The following MC2R variants were observed in gnomAD, a reference collection of about 807,000 sequenced individuals.
MC2R encodes melanocortin 2 receptor, also known as adrenocorticotropic hormone receptor.
In MC2R, 9 loss-of-function variants were observed where a neutral mutation model predicts 9.8. The observed-to-expected ratio is 0.92, with a 90% CI of 0.55 to 1.60. The LOEUF (loss-of-function observed/expected upper bound fraction) is 1.60. Ranked by LOEUF, MC2R falls within the 40% of genes most tolerant of loss-of-function variation. The pLI is 0.00. For missense variants in MC2R, 370 were observed against 389.0 expected (o/e 0.95, Z 0.41); for synonymous variants, 185 against 154.7 (o/e 1.20, Z -1.45).
intron 1 of MC2R, among the ~76,000 whole-genome samples, chr18:13,896,700 C>T (rs894269785): frequency 6.6e-6 from 1 of 152,182 alleles, no homozygotes; most frequent in African/African-American, 2.4e-5. Context: ...AAGGAACACA[C>T]TCTCTGCCTT....
chr18:13,910,337 G>T (rs2045437401), intron 1 of MC2R, among the ~76,000 whole-genome samples: 1 of 152,136 alleles, frequency 6.6e-6, no homozygotes, highest in Admixed American at 6.5e-5. Flanking sequence ...GTAAGTCTGA[G>T]AGTTACTCAG....
intron 1 of MC2R, among the ~76,000 whole-genome samples, chr18:13,913,827 G>C (rs999776736): frequency 1.3e-5 from 2 of 152,132 alleles, no homozygotes; most frequent in Non-Finnish European, 2.9e-5. Flanking sequence ...TTTCTACAAC[G>C]GCATTATTCA....
intron 1 of MC2R, among the ~76,000 whole-genome samples, chr18:13,904,881 C>T (rs1462381674): frequency 1.3e-5 from 2 of 152,010 alleles, no homozygotes; most frequent in Non-Finnish European, 2.9e-5. Flanking sequence ...TTCCTTATAC[C>T]TTATACAAGA....
At chr18:13,907,171 G>T (rs79973859) in intron 1 of MC2R, among the ~76,000 whole-genome samples, 1 of 152,154 alleles carries the variant, frequency 6.6e-6, no homozygotes, top group African/African-American at 2.4e-5. Flanking sequence ...CATAAAAACA[G>T]TTACACAGAT....
rs769710124 is a variant in MC2R at position 13,885,252 on chromosome 18, C to G, written c.267G>C (p.Met89Ile). The G allele has an allele frequency of 6.2e-7, 1 of 1,614,112 alleles. No homozygotes were observed. The highest frequency in any genetic ancestry group is 8.5e-7 in the Non-Finnish European group (1 of 1,180,020). Reference protein sequence around the residue: ...LENILIILRNMGYLKPRGSFE... With the variant: ...LENILIILRNIGYLKPRGSFE... The stretch of plus-strand genomic sequence containing the variant: ...AACTGCCACGTGGCTTGAGATAGCC[C>G]ATGTTTCTCAATATGATCAGGATAT... The change falls in exon 2 of 2, where the codon ATG becomes ATC. Residue 89 changes from methionine to isoleucine, a missense_variant. Met to Ile is a conservative substitution (Grantham distance 10). Coordinates refer to ENST00000327606, the MANE Select transcript of MC2R (RefSeq NM_000529.2).
intron 1 of MC2R, among the ~76,000 whole-genome samples, chr18:13,891,809 C>T (rs2045317249): frequency 6.6e-6 from 1 of 152,142 alleles, no homozygotes. Flanking sequence ...TCTGACCCAT[C>T]CCACCTCAAC....
intron 1 of MC2R, among the ~76,000 whole-genome samples, chr18:13,889,323 G>A (rs1323977591): frequency 1.3e-5 from 2 of 152,232 alleles, no homozygotes; most frequent in Non-Finnish European, 2.9e-5. Context: ...CTCCCCAGGA[G>A]GCAGAGATGG....
chr18:13,894,323 A>G (rs551744564), intron 1 of MC2R, among the ~76,000 whole-genome samples: 1 of 152,324 alleles, frequency 6.6e-6, no homozygotes, highest in East Asian at 1.9e-4. Flanking sequence ...TCTCATATCC[A>G]ATTTATCCCA....
chr18:13,905,737 C>T (rs1358598010), intron 1 of MC2R, among the ~76,000 whole-genome samples: 1 of 152,146 alleles, frequency 6.6e-6, no homozygotes, highest in East Asian at 1.9e-4. Flanking sequence ...CCAGCAATCC[C>T]ATTACTGGGT....
chr18:13,884,753 ACATGTAG>A lies in MC2R; in HGVS notation c.759_765del (p.Tyr254LeufsTer5), dbSNP rs1475068093. On this transcript the variant is annotated frameshift_variant, in exon 2 of 2. Transcript: ENST00000327606. LOFTEE classifies it high-confidence loss of function. ...AACATGCCGTTCACCTGGAAGAGAG[ACATGTAG>A]CAGGCGCAGTAGGGGTTACTTGGGC... 3.1e-6 allele frequency: 5 copies of A among 1,614,036 alleles called. No homozygotes were observed. Among genetic ancestry groups the A allele is most frequent in the Non-Finnish European group, 4.2e-6 (5 of 1,180,006 alleles).
chr18:13,888,188 G>A (rs1374385458), intron 1 of MC2R, among the ~76,000 whole-genome samples: 1 of 152,002 alleles, frequency 6.6e-6, no homozygotes. Flanking sequence ...AGCTTCAGTT[G>A]CTGTGCATTG....
chr18:13,911,045 C>A (rs1224239296), intron 1 of MC2R, among the ~76,000 whole-genome samples: 3 of 152,220 alleles, frequency 2.0e-5, no homozygotes, highest in African/African-American at 4.8e-5. Flanking sequence ...AAGCAGTCAG[C>A]GTGGCTCAGC....
intron 1 of MC2R, among the ~76,000 whole-genome samples, chr18:13,891,622 CT>C (rs2045316197): frequency 6.6e-6 from 1 of 152,192 alleles, no homozygotes; most frequent in South Asian, 2.1e-4. Context: ...CAATACACAT[CT>C]GGGGACTGTT....
rs2045234580 is a variant in MC2R, at chr18:13,882,059, T to C, written c.*2566A>G. The C allele has an allele frequency of 6.6e-6, 1 of 152,262 alleles. No homozygotes were observed. Among genetic ancestry groups the C allele is most frequent in the Non-Finnish European group, 1.5e-5 (1 of 68,044 alleles). 9.4% of individuals were successfully genotyped at this position (152,262 alleles called of 1,614,324 possible). A position where few individuals can be genotyped will look rare whatever the true frequency, so the allele number is the denominator to read the frequency against. On this transcript the variant is annotated 3_prime_UTR_variant, in exon 2 of 2. Coordinates refer to ENST00000327606, the MANE Select transcript of MC2R (RefSeq NM_000529.2). ...GGAAGAGGAAACATCCTTCCTTTTT[T>C]ATTAGACAGGGCTCAGAATTACTAT...
intron 1 of MC2R, among the ~76,000 whole-genome samples, chr18:13,904,541 C>T (rs2045401035): frequency 6.6e-6 from 1 of 151,904 alleles, no homozygotes; most frequent in Admixed American, 6.6e-5. Context: ...CCTGGAAGTC[C>T]TGGCAAGAGC....
rs765199423 is a variant in MC2R, at chr18:13,905,411, G to A, written c.-129+10077C>T. Among the ~76,000 whole-genome samples the A allele has an allele frequency of 2.6e-4, 40 of 151,782 alleles. 1 individual carries two copies. The highest frequency in any genetic ancestry group is 2.2e-3 in the Admixed American group (33 of 15,240). ...TGAGGCAGAAGAATCGCTTGAATCCGGGAGGCAGAGGTTGCACTGAGCCGT... is the reference window on the plus strand; with the variant it reads ...TGAGGCAGAAGAATCGCTTGAATCCAGGAGGCAGAGGTTGCACTGAGCCGT... On this transcript the variant is annotated intron_variant, in intron 1 of 1. Transcript: ENST00000327606.
chr18:13,887,292 T>C (rs1176589577), intron 1 of MC2R, among the ~76,000 whole-genome samples: 3 of 116,230 alleles, frequency 2.6e-5, no homozygotes, highest in Non-Finnish European at 5.7e-5. Context: ...GGGGCCTGTG[T>C]GCTGTGTCCC....
Position 13,884,673 on chromosome 18 carries a change from C to T in MC2R, c.846G>A (p.Glu282=), listed in dbSNP as rs937134835. Residue 282 remains glutamate (E), a synonymous_variant, in exon 2 of 2, where the codon GAG becomes GAA. Transcript: ENST00000327606. ...TCATCTTTTTGAATGCGTCCCTGAGCTCTGGGCTCCGGAAGGCATATATGA... is the reference window on the plus strand; with the variant it reads ...TCATCTTTTTGAATGCGTCCCTGAGTTCTGGGCTCCGGAAGGCATATATGA... ...DPFIYAFRSP[E]LRDAFKKMIF... 3 of 1,614,028 alleles carry T rather than the reference C, an allele frequency of 1.9e-6. No individual in the cohort carries two copies. Among genetic ancestry groups the T allele is most frequent in the Non-Finnish European group, 1.7e-6 (2 of 1,180,044 alleles).
At chr18:13,915,188 A>G (rs1370042872) in intron 1 of MC2R, among the ~76,000 whole-genome samples, 1 of 152,226 alleles carries the variant, frequency 6.6e-6, no homozygotes, top group Non-Finnish European at 1.5e-5. Flanking sequence ...TTCTATTAGG[A>G]AAAAACTGGC....
Sources: allele counts gnomAD v4.1 joint callset (sites outside exome capture counted in the v4.1 genomes callset), GRCh38; gene constraint gnomAD v4.1.1; transcripts MANE v1.5; gene names NCBI Gene and HGNC (gene_info 2026-07-23, HGNC 2026-07-21).